CHST9: variants seen among roughly 807,000 people sequenced by gnomAD.
CHST9 encodes GalNAc-4-sulfotransferase 2.
A neutral mutation model predicts 44.4 loss-of-function variants in CHST9; 41 were observed. The ratio of observed to expected loss-of-function variants is 0.92; its 90% confidence interval spans 0.72 to 1.20. The LOEUF (loss-of-function observed/expected upper bound fraction) is 1.20. CHST9 is among the 50% of genes most tolerant of loss of function. The pLI is 0.00. For synonymous variants in CHST9, 171 were observed against 178.4 expected (o/e 0.96, Z 0.33); for missense variants, 504 against 516.5 (o/e 0.98, Z 0.23).
At chr18:27,067,032 A>G (rs1371973961) in intron 2 of CHST9, among the ~76,000 whole-genome samples, 1 of 152,186 alleles carries the variant, frequency 6.6e-6, no homozygotes, top group East Asian at 1.9e-4. Context: ...TATTCCAAAC[A>G]TTAAATTCCA....
intron 2 of CHST9, among the ~76,000 whole-genome samples, chr18:27,054,321 CTTTAT>C (rs1347478246): frequency 1.3e-5 from 2 of 152,120 alleles, no homozygotes; most frequent in African/African-American, 4.8e-5. Flanking sequence ...CCTAGTTGTG[CTTTAT>C]TTTATCACAG....
intron 3 of CHST9, among the ~76,000 whole-genome samples, chr18:27,047,421 T>TGTGTGTGTGTG (rs1555679287): frequency 1.7e-4 from 25 of 150,666 alleles, no homozygotes; most frequent in Non-Finnish European, 2.8e-4. Flanking sequence ...TGTGTGTGTG[T>TGTGTGTGTGTG]TCATGATCAG....
chr18:26,944,870 C>A (rs1223170593), intron 4 of CHST9, among the ~76,000 whole-genome samples: 1 of 152,038 alleles, frequency 6.6e-6, no homozygotes, highest in East Asian at 1.9e-4. Flanking sequence ...TATGGTACTG[C>A]CAGAGATTGA....
chr18:27,040,230 C>G (rs1260071374), intron 3 of CHST9, among the ~76,000 whole-genome samples: 1 of 152,068 alleles, frequency 6.6e-6, no homozygotes, highest in Admixed American at 6.6e-5. Flanking sequence ...TTGGATATTG[C>G]TAATCTAGAA....
intron 4 of CHST9, among the ~76,000 whole-genome samples, chr18:27,020,409 A>C (rs1014877743): frequency 4.6e-5 from 7 of 152,236 alleles, no homozygotes; most frequent in South Asian, 4.1e-4. Flanking sequence ...GTCACAGAAG[A>C]GTGGGCTTTG....
At chr18:27,142,604 T>C (rs953035212) in intron 2 of CHST9, 85 bp downstream of exon 2, 29 of 911,466 alleles carry the variant, frequency 3.2e-5, no homozygotes, top group Non-Finnish European at 4.2e-5. Context: ...TGATTCTCAA[T>C]ATATTAATAA....
At chr18:26,960,549 A>G (rs565428105) in intron 4 of CHST9, among the ~76,000 whole-genome samples, 67 of 152,222 alleles carry the variant, frequency 4.4e-4, no homozygotes, top group Non-Finnish European at 7.1e-4. Flanking sequence ...GAATGTTTAG[A>G]ATTTATCGGA....
chr18:26,971,758 G>C lies in CHST9; in HGVS notation c.203-27392C>G, dbSNP rs2056546302. ...AAGTCACACAGCCACGCCCAGCTCG[G>C]GGGGCGGGCAGGGAAATCCACTCCT... On this transcript the variant is annotated intron_variant, in intron 4 of 5. Coordinates refer to ENST00000618847, the MANE Select transcript of CHST9 (RefSeq NM_031422.6). Among the ~76,000 whole-genome samples, 3 of 152,236 alleles carry C rather than the reference G, an allele frequency of 2.0e-5. No homozygotes were observed. In the South Asian group the frequency reaches 6.2e-4, roughly 32 times the overall value.
At chr18:26,960,127 TA>T (rs1157744237) in intron 4 of CHST9, among the ~76,000 whole-genome samples, 2 of 152,130 alleles carry the variant, frequency 1.3e-5, no homozygotes, top group African/African-American at 4.8e-5. Flanking sequence ...TTATTTGGTT[TA>T]AAATACCAGT....
At chr18:26,968,730 C>A (rs1453067901) in intron 4 of CHST9, among the ~76,000 whole-genome samples, 2 of 152,068 alleles carry the variant, frequency 1.3e-5, no homozygotes, top group African/African-American at 4.8e-5. Flanking sequence ...GAGCTATTTT[C>A]TTCTATGACT....
intron 4 of CHST9, among the ~76,000 whole-genome samples, chr18:26,969,382 G>C: frequency 1.5e-5 from 1 of 65,588 alleles, no homozygotes; most frequent in Non-Finnish European, 4.0e-5. Flanking sequence ...CTCTCTGTGT[G>C]TGTGTGTGTG....
At chr18:26,926,013 G>C (rs2055761014) in intron 5 of CHST9, among the ~76,000 whole-genome samples, 1 of 152,114 alleles carries the variant, frequency 6.6e-6, no homozygotes, top group South Asian at 2.1e-4. Context: ...AAATGGGAAA[G>C]AGAAAAGATA....
chr18:27,161,544 T>C (rs1234872536), intron 1 of CHST9, among the ~76,000 whole-genome samples: 1 of 152,172 alleles, frequency 6.6e-6, no homozygotes, highest in Non-Finnish European at 1.5e-5. Context: ...AGTGGTCAAT[T>C]TTGGAATAAG....
chr18:27,110,327 T>A (rs2058260298), intron 2 of CHST9, among the ~76,000 whole-genome samples: 1 of 152,214 alleles, frequency 6.6e-6, no homozygotes, highest in African/African-American at 2.4e-5. Context: ...TTTCTGTTCC[T>A]TTTATAGTTT....
At chr18:27,154,355 T>G (rs1195875506) in intron 1 of CHST9, among the ~76,000 whole-genome samples, 1 of 152,092 alleles carries the variant, frequency 6.6e-6, no homozygotes, top group Admixed American at 6.6e-5. Context: ...AATTCAGAGT[T>G]CAGGGAGAGA....
intron 2 of CHST9, among the ~76,000 whole-genome samples, chr18:27,090,298 T>C (rs1377463066): frequency 6.6e-6 from 1 of 152,148 alleles, no homozygotes; most frequent in East Asian, 1.9e-4. Flanking sequence ...GGGTTGTTCG[T>C]TTTTTTCTTA....
intron 1 of CHST9, among the ~76,000 whole-genome samples, chr18:27,173,036 C>T (rs912692863): frequency 3.9e-5 from 6 of 151,982 alleles, no homozygotes; most frequent in African/African-American, 1.4e-4. Flanking sequence ...TATGCTTTTA[C>T]AGTATGAGGA....
intron 2 of CHST9, 118 bp from the exon 3 acceptor site, chr18:27,048,621 G>A (rs2057531941): frequency 1.3e-6 from 1 of 755,016 alleles, no homozygotes. Flanking sequence ...GCCATGTCCA[G>A]TGTGCTCCTA....
intron 5 of CHST9, among the ~76,000 whole-genome samples, chr18:26,919,453 G>A (rs2055605111): frequency 6.6e-6 from 1 of 152,180 alleles, no homozygotes; most frequent in Admixed American, 6.5e-5. Context: ...GGGTGCACAT[G>A]CATGGAAAGT....
Sources: allele counts gnomAD v4.1 joint callset (sites outside exome capture counted in the v4.1 genomes callset), GRCh38; gene constraint gnomAD v4.1.1; transcripts MANE v1.5; gene names NCBI Gene and HGNC (gene_info 2026-07-23, HGNC 2026-07-21).